C5: variants seen among roughly 807,000 people sequenced by gnomAD.
C5 encodes C3 and PZP-like alpha-2-macroglobulin domain-containing protein 4.
C5 carries 140 observed loss-of-function variants against 218.8 expected under a neutral mutation model. The ratio of observed to expected loss-of-function variants is 0.64; its 90% CI spans 0.56 to 0.74. The LOEUF is 0.74. Ranked by LOEUF, C5 falls within the 30% of genes least tolerant of loss-of-function variation. The pLI is 0.00. For missense variants in C5, 1,700 were observed against 1,969.6 expected, an observed-to-expected ratio of 0.86 and a Z score of 2.59; for synonymous variants, 614 against 682.3, an observed-to-expected ratio of 0.90 and a Z score of 1.56.
At chr9:120,963,125 A>G (rs1013706778) in intron 34 of C5, among the ~76,000 whole-genome samples, 158 bp from the exon 35 acceptor site, 2 of 152,252 alleles carry the variant, frequency 1.3e-5, no homozygotes, top group Non-Finnish European at 2.9e-5. Context: ...ACACATTAGC[A>G]TATAAACTCA....
At chr9:121,002,316 G>GTGTA (rs572345213) in intron 20 of C5, among the ~76,000 whole-genome samples, 24 of 87,396 alleles carry the variant, frequency 2.7e-4, no homozygotes, top group Middle Eastern at 6.5e-3. Flanking sequence ...ATATGTGTGT[G>GTGTA]TATATATATA....
chr9:120,953,904 T>G, intron 39 of C5, 36 bp from the exon 40 acceptor site: 1 of 1,611,346 alleles, frequency 6.2e-7, no homozygotes, highest in South Asian at 1.1e-5. Flanking sequence ...GTTATACCAT[T>G]CATGTTTTAA....
the C5 span, among the ~76,000 whole-genome samples, chr9:121,074,473 C>T: frequency 6.6e-6 from 1 of 152,216 alleles, no homozygotes; most frequent in Non-Finnish European, 1.5e-5. Flanking sequence ...TCATCCGAGC[C>T]TGGGCAGTTC....
the C5 span, among the ~76,000 whole-genome samples, chr9:121,067,533 G>A: frequency 2.0e-5 from 3 of 150,402 alleles, no homozygotes; most frequent in South Asian, 2.1e-4. Context: ...CACTGCATTC[G>A]CAGCTTGGTT....
chr9:121,052,788 A>T (rs2047679167), upstream of C5, among the ~76,000 whole-genome samples: 1 of 152,180 alleles, frequency 6.6e-6, no homozygotes, highest in Non-Finnish European at 1.5e-5. Flanking sequence ...TAGCAGGATA[A>T]TAATTTTGTA....
chr9:120,971,902 C>T (rs764610274), intron 31 of C5, 28 bp downstream of exon 31: 22 of 1,547,274 alleles, frequency 1.4e-5, no homozygotes, highest in South Asian at 8.9e-5. Context: ...ACACATAACT[C>T]GTTATTGGAT....
rs181052880 is a variant in C5 at position 120,999,040 on chromosome 9, C to A, written c.2563-1266G>T. On this transcript the variant is annotated intron_variant, in intron 20 of 40. Transcript: ENST00000223642. ...GCGGCCAATGATTTCCTTAGAACAGCAGGGGAGGGTGGGGAAGGATAGATA... is the reference window on the plus strand; with the variant it reads ...GCGGCCAATGATTTCCTTAGAACAGAAGGGGAGGGTGGGGAAGGATAGATA... Among the ~76,000 whole-genome samples the A allele has an allele frequency of 3.2e-4, 48 of 152,090 alleles. 2 individuals are homozygous for A. The East Asian group carries it at 9.3e-3, about 29-fold the overall frequency.
chr9:121,021,223 T>C (rs1255570187), intron 11 of C5, among the ~76,000 whole-genome samples: 1 of 152,230 alleles, frequency 6.6e-6, no homozygotes. Flanking sequence ...AACACTCATG[T>C]GCACTGCTAT....
In C5 at chr9:120,969,214, A is replaced by G. The variant is rs917848980; in HGVS notation, c.4163-96T>C. 8.5e-6 allele frequency: 8 copies of G among 941,524 alleles called. No homozygotes were observed. In the Admixed American group the frequency reaches 1.4e-4, roughly 17 times the overall value. 58.3% of individuals were successfully genotyped at this position (941,524 alleles called of 1,614,324 possible). A position where few individuals can be genotyped will look rare whatever the true frequency, so the allele number is the denominator to read the frequency against. ...TCAGAACAGAATCATTAATGAGCAA[A>G]TCTTTGAACACACTTAAAAATGATT... On this transcript the variant is annotated intron_variant, in intron 32 of 40. Coordinates refer to ENST00000223642, the MANE Select transcript of C5 (RefSeq NM_001735.3).
intron 22 of C5, 58 bp from the exon 23 acceptor site, chr9:120,991,338 T>C: frequency 2.2e-6 from 2 of 899,126 alleles, no homozygotes; most frequent in South Asian, 2.6e-5. Flanking sequence ...TGTTTGCAGA[T>C]TATTTATAAT....
the C5 span, among the ~76,000 whole-genome samples, chr9:121,074,037 GA>G: frequency 8.5e-5 from 13 of 152,118 alleles, no homozygotes; most frequent in Non-Finnish European, 1.5e-4. Flanking sequence ...AGGAAGTTTA[GA>G]AATACGCTGG....
At chr9:121,019,050 C>T (rs1248448127) in intron 12 of C5, among the ~76,000 whole-genome samples, 1 of 151,380 alleles carries the variant, frequency 6.6e-6, no homozygotes, top group East Asian at 1.9e-4. Context: ...TTTTGTTTCA[C>T]CGATTAAAAA....
upstream of C5, among the ~76,000 whole-genome samples, chr9:121,052,621 G>T (rs1467241333): frequency 6.6e-6 from 1 of 151,904 alleles, no homozygotes; most frequent in Non-Finnish European, 1.5e-5. Context: ...TGCCTCAATT[G>T]TCCCCTCATG....
chr9:120,980,816 C>T (rs1403165662), intron 27 of C5, among the ~76,000 whole-genome samples: 1 of 151,744 alleles, frequency 6.6e-6, no homozygotes, highest in African/African-American at 2.4e-5. Context: ...CCAGGATGGT[C>T]TCAATCTCCT....
chr9:121,017,595 C>A, intron 13 of C5, 48 bp downstream of exon 13: 1 of 1,602,708 alleles, frequency 6.2e-7, no homozygotes, highest in Non-Finnish European at 8.5e-7. Flanking sequence ...TTGGCAGCCT[C>A]CTTCATTGAA....
rs151006087 is a variant in C5, at chr9:120,965,714, T to G, written c.4221-1976A>C. ...AAACACTTGGAACTCTAATGTGACATCCGAACATCTCCCTAATTGGATGGG... is the reference window on the plus strand; with the variant it reads ...AAACACTTGGAACTCTAATGTGACAGCCGAACATCTCCCTAATTGGATGGG... On this transcript the variant is annotated intron_variant, in intron 33 of 40. Transcript: ENST00000223642. Among the ~76,000 whole-genome samples the G allele has an allele frequency of 3.0e-3, 462 of 152,262 alleles. 2 individuals are homozygous for G. Among genetic ancestry groups the G allele is most frequent in the African/African-American group, 0.011 (439 of 41,536 alleles).
chr9:120,979,948 G>A (rs1588174142), intron 28 of C5, 135 bp downstream of exon 28: 5 of 741,870 alleles, frequency 6.7e-6, no homozygotes, highest in South Asian at 1.5e-5. Flanking sequence ...ACATTACATC[G>A]TATTGTGACG....
At chr9:121,040,636 C>T (rs1350561805) in intron 3 of C5, among the ~76,000 whole-genome samples, 1 of 152,160 alleles carries the variant, frequency 6.6e-6, no homozygotes, top group Non-Finnish European at 1.5e-5. Flanking sequence ...TTACTGTGTG[C>T]TTGGCTCTAT....
At chr9:121,044,179 G>A (rs1468462380) in intron 2 of C5, among the ~76,000 whole-genome samples, 1 of 152,092 alleles carries the variant, frequency 6.6e-6, no homozygotes, top group African/African-American at 2.4e-5. Flanking sequence ...TTAAGAAACA[G>A]AAACTATAGA....
Sources: allele counts gnomAD v4.1 joint callset (sites outside exome capture counted in the v4.1 genomes callset), GRCh38; gene constraint gnomAD v4.1.1; transcripts MANE v1.5; gene names NCBI Gene and HGNC (gene_info 2026-07-23, HGNC 2026-07-21).